The following IFT74 variants were observed in gnomAD, a reference collection of about 807,000 sequenced individuals.
The protein encoded by IFT74 is intraflagellar transport 74.
A neutral mutation model predicts 96.7 loss-of-function variants in IFT74; 92 were observed. The observed-to-expected ratio is 0.95, with a 90% CI of 0.80 to 1.13. IFT74 has a LOEUF of 1.13. Among genes scored for constraint, IFT74 ranks in the 50% most tolerant of loss-of-function variants. IFT74 has a pLI of 0.00. For missense variants in IFT74, 811 were observed against 698.2 expected, an observed-to-expected ratio of 1.16 and a Z score of -1.82; for synonymous variants, 223 against 213.2, an observed-to-expected ratio of 1.05 and a Z score of -0.40.
chr9:27,011,849 C>T, intron 9 of IFT74, 57 bp from the exon 10 acceptor site: 2 of 1,222,974 alleles, frequency 1.6e-6, no homozygotes, highest in Non-Finnish European at 2.2e-6. Context: ...CCCCCCACTA[C>T]AACAAATTAT....
At chr9:27,027,635 T>G (rs577034852) in intron 12 of IFT74, among the ~76,000 whole-genome samples, 1 of 152,314 alleles carries the variant, frequency 6.6e-6, no homozygotes, top group Non-Finnish European at 1.5e-5. Flanking sequence ...CTTAGTTCAT[T>G]TGCTCATTTT....
chr9:26,982,912 T>G (rs1827451742), intron 4 of IFT74, among the ~76,000 whole-genome samples: 1 of 152,166 alleles, frequency 6.6e-6, no homozygotes, highest in Non-Finnish European at 1.5e-5. Context: ...TTGTTATATG[T>G]CTCTGGGGAT....
intron 13 of IFT74, among the ~76,000 whole-genome samples, chr9:27,030,543 G>A (rs909832928): frequency 1.7e-3 from 96 of 56,042 alleles, no homozygotes; most frequent in African/African-American, 5.3e-3. Context: ...GCAAGACTCC[G>A]TCTCAAAAAA....
At chr9:27,045,348 A>G (rs771371837) in intron 14 of IFT74, among the ~76,000 whole-genome samples, 3 of 152,176 alleles carry the variant, frequency 2.0e-5, no homozygotes, top group Non-Finnish European at 4.4e-5. Flanking sequence ...ATTGTCTTCC[A>G]TGGTCCCTGG....
chr9:26,955,339 G>A (rs904716031), upstream of IFT74, among the ~76,000 whole-genome samples: 15 of 152,122 alleles, frequency 9.9e-5, no homozygotes, highest in African/African-American at 3.4e-4. Flanking sequence ...TAGTTACTGC[G>A]GCTGTCACCC....
chr9:27,009,913 C>T (rs761265714), intron 9 of IFT74, among the ~76,000 whole-genome samples: 10 of 151,298 alleles, frequency 6.6e-5, no homozygotes, highest in Admixed American at 2.0e-4. Flanking sequence ...ATGATCAAAT[C>T]GGGATAATTA....
At chr9:26,967,492 G>A (rs987732107) in intron 2 of IFT74, among the ~76,000 whole-genome samples, 1 of 151,986 alleles carries the variant, frequency 6.6e-6, no homozygotes, top group African/African-American at 2.4e-5. Flanking sequence ...AGTTTTTTTG[G>A]TGGAGTCTTT....
intron 13 of IFT74, among the ~76,000 whole-genome samples, chr9:27,031,730 AAT>A (rs796853646): frequency 8.7e-6 from 1 of 114,694 alleles, no homozygotes; most frequent in East Asian, 4.2e-4. Flanking sequence ...TAAATAAAAT[AAT>A]AAATAAAATA....
At chr9:26,978,342 A>G in intron 3 of IFT74, 79 bp downstream of exon 3, 4 of 1,434,080 alleles carry the variant, frequency 2.8e-6, no homozygotes, top group South Asian at 1.3e-5. Context: ...TTAAAAAAGT[A>G]AAAGTTGAGT....
At chr9:27,000,269 G>A (rs1828406349) in intron 8 of IFT74, among the ~76,000 whole-genome samples, 2 of 152,202 alleles carry the variant, frequency 1.3e-5, no homozygotes, top group African/African-American at 4.8e-5. Flanking sequence ...CATGAAAGGA[G>A]CTTTAAAGCA....
intron 10 of IFT74, among the ~76,000 whole-genome samples, chr9:27,013,861 G>C (rs1321924090): frequency 2.0e-5 from 3 of 152,126 alleles, no homozygotes; most frequent in African/African-American, 7.2e-5. Context: ...CAAAAGAAAT[G>C]AGTATTTTGT....
intron 1 of IFT74, chr9:26,947,426 A>C: frequency 1.6e-5 from 3 of 187,184 alleles, no homozygotes; most frequent in Non-Finnish European, 2.2e-5. Context: ...TCCTTCCCAA[A>C]CCCGGGTCTC....
At chr9:27,009,684 G>C (rs905160645) in intron 9 of IFT74, among the ~76,000 whole-genome samples, 5 of 151,258 alleles carry the variant, frequency 3.3e-5, no homozygotes, top group African/African-American at 1.2e-4. Flanking sequence ...AAAAAAAAAG[G>C]CCTCATAGAC....
chr9:26,986,662 G>T (rs1359094030), intron 6 of IFT74, among the ~76,000 whole-genome samples: 1 of 151,854 alleles, frequency 6.6e-6, no homozygotes, highest in Non-Finnish European at 1.5e-5. Flanking sequence ...TTGCTCTGTT[G>T]CTCTGGCTGA....
intron 2 of IFT74, among the ~76,000 whole-genome samples, chr9:26,971,478 G>T (rs1485948837): frequency 6.6e-6 from 1 of 151,806 alleles, no homozygotes; most frequent in African/African-American, 2.4e-5. Context: ...TCTTTGATCT[G>T]GTAATATCCA....
chr9:27,046,205 C>T (rs961523094), intron 14 of IFT74, among the ~76,000 whole-genome samples: 4 of 152,138 alleles, frequency 2.6e-5, no homozygotes, highest in South Asian at 2.1e-4. Flanking sequence ...GCAGGATATT[C>T]ACACATAAGA....
At chr9:27,031,898 G>T (rs1563989250) in intron 13 of IFT74, among the ~76,000 whole-genome samples, 1 of 152,004 alleles carries the variant, frequency 6.6e-6, no homozygotes, top group Admixed American at 6.6e-5. Flanking sequence ...TTTTTGTAGG[G>T]ACAGGGTTTT....
chr9:27,030,547 C>T (rs1476940438), intron 13 of IFT74, among the ~76,000 whole-genome samples: 1 of 115,474 alleles, frequency 8.7e-6, no homozygotes, highest in Non-Finnish European at 1.7e-5. Flanking sequence ...GACTCCGTCT[C>T]AAAAAAAAAA....
chr9:26,975,766 G>A (rs1365497247), intron 2 of IFT74, among the ~76,000 whole-genome samples: 2 of 152,108 alleles, frequency 1.3e-5, no homozygotes, highest in African/African-American at 2.4e-5. Flanking sequence ...CTTGCCTATC[G>A]ATTTCCATAG....
Sources: allele counts gnomAD v4.1 joint callset (sites outside exome capture counted in the v4.1 genomes callset), GRCh38; gene constraint gnomAD v4.1.1; transcripts MANE v1.5; gene names NCBI Gene and HGNC (gene_info 2026-07-23, HGNC 2026-07-21).